The following NALF1 variants were observed in gnomAD, a reference collection of about 807,000 sequenced individuals.
The protein encoded by NALF1 is family with sequence similarity 155 member A.
A neutral mutation model predicts 48.4 loss-of-function variants in NALF1; 3 were observed. The ratio of observed to expected loss-of-function variants is 0.06; its 90% CI spans 0.03 to 0.16. The LOEUF is 0.16. NALF1 is among the 10% of genes least tolerant of loss of function. The probability of loss-of-function intolerance (pLI) is 1.00; values close to 1 mark genes in which losing one functional copy is unlikely to be tolerated. For missense variants in NALF1, 526 were observed against 571.5 expected (o/e 0.92, Z 0.81); for synonymous variants, 262 against 245.7 (o/e 1.07, Z -0.62).
chr13:107,630,799 AT>A (rs1445630649), intron 1 of NALF1, among the ~76,000 whole-genome samples: 1 of 152,080 alleles, frequency 6.6e-6, no homozygotes, highest in East Asian at 1.9e-4. Context: ...CATCTCTTAG[AT>A]GATTGAAGAT....
intron 1 of NALF1, among the ~76,000 whole-genome samples, chr13:107,231,279 A>G (rs143322829): frequency 2.0e-5 from 3 of 152,256 alleles, no homozygotes; most frequent in Admixed American, 6.5e-5. Flanking sequence ...TTTTAAATAA[A>G]AAACTTCGTA....
chr13:107,725,643 C>G (rs1876126838), intron 1 of NALF1, among the ~76,000 whole-genome samples: 1 of 151,406 alleles, frequency 6.6e-6, no homozygotes, highest in Non-Finnish European at 1.5e-5. Flanking sequence ...CAAGATCACG[C>G]CAGTGCACTC....
intron 1 of NALF1, among the ~76,000 whole-genome samples, chr13:107,478,360 A>C (rs1286111123): frequency 1.3e-5 from 2 of 152,204 alleles, no homozygotes; most frequent in Non-Finnish European, 2.9e-5. Context: ...AGAATTCAAC[A>C]AAATCTAATC....
chr13:107,681,680 G>A (rs1312230569), intron 1 of NALF1, among the ~76,000 whole-genome samples: 4 of 152,080 alleles, frequency 2.6e-5, no homozygotes, highest in African/African-American at 4.8e-5. Context: ...ACTTAACGCC[G>A]ACATCTGGAT....
chr13:107,418,257 T>C (rs940592606), intron 1 of NALF1, among the ~76,000 whole-genome samples: 2 of 152,032 alleles, frequency 1.3e-5, no homozygotes, highest in Non-Finnish European at 2.9e-5. Flanking sequence ...GCAATTCCTG[T>C]CTCCAGCATC....
chr13:107,487,799 G>T (rs1424467731), intron 1 of NALF1, among the ~76,000 whole-genome samples: 2 of 151,994 alleles, frequency 1.3e-5, no homozygotes, highest in East Asian at 3.9e-4. Flanking sequence ...CTTATAGAAT[G>T]GGTTAGGGCG....
chr13:107,486,200 G>A (rs1488405333), intron 1 of NALF1, among the ~76,000 whole-genome samples: 1 of 152,164 alleles, frequency 6.6e-6, no homozygotes, highest in African/African-American at 2.4e-5. Context: ...TCTTGGCCAA[G>A]ATTGCACACA....
intron 1 of NALF1, among the ~76,000 whole-genome samples, chr13:107,667,781 G>T (rs1880897102): frequency 6.6e-6 from 1 of 151,840 alleles, no homozygotes; most frequent in Admixed American, 6.6e-5. Context: ...AAAACATTTG[G>T]GCTGCTATAA....
Position 107,165,399 on chromosome 13 carries a change from G to A in NALF1, c.*5098C>T, listed in dbSNP as rs1594049933. ...GCCTCGGAGCCAGCTTGTGTAATTT[G>A]TAATCAGAAGATGCTTGAGTTCCAT... On this transcript the variant is annotated 3_prime_UTR_variant, in exon 3 of 3. Transcript: ENST00000375915. 1 of 152,146 alleles carries A rather than the reference G, an allele frequency of 6.6e-6. No individual in the cohort carries two copies. Among genetic ancestry groups the A allele is most frequent in the East Asian group, 1.9e-4 (1 of 5,182 alleles). 9.4% of individuals were successfully genotyped at this position (152,146 alleles called of 1,614,324 possible). A position where few individuals can be genotyped will look rare whatever the true frequency, so the allele number is the denominator to read the frequency against.
intron 1 of NALF1, among the ~76,000 whole-genome samples, chr13:107,581,403 T>C (rs1419438131): frequency 1.3e-5 from 2 of 152,196 alleles, no homozygotes; most frequent in Admixed American, 6.5e-5. Context: ...GCATTTGTCT[T>C]AATTATTATA....
chr13:107,705,553 T>C (rs1881929071), intron 1 of NALF1, among the ~76,000 whole-genome samples: 1 of 152,038 alleles, frequency 6.6e-6, no homozygotes. Context: ...AGTTTTACCA[T>C]GCTTACACAG....
At chr13:107,677,214 G>C (rs943200550) in intron 1 of NALF1, among the ~76,000 whole-genome samples, 1 of 152,106 alleles carries the variant, frequency 6.6e-6, no homozygotes, top group Non-Finnish European at 1.5e-5. Flanking sequence ...ACTCAGCTAA[G>C]TTGTGTATTT....
chr13:107,444,434 T>A (rs903640094), intron 1 of NALF1, among the ~76,000 whole-genome samples: 3 of 152,178 alleles, frequency 2.0e-5, no homozygotes, highest in African/African-American at 7.2e-5. Flanking sequence ...GAGTGGCAAC[T>A]ATGAACTCAG....
At position 107,163,881 on chromosome 13, in the gene NALF1, G is replaced by T. The variant is rs766770218; in HGVS notation, c.*6616C>A. 4 of 152,118 alleles carry T rather than the reference G, an allele frequency of 2.6e-5. No homozygotes were observed. The highest frequency in any genetic ancestry group is 4.2e-4 in the South Asian group (2 of 4,814). 9.4% of individuals were successfully genotyped at this position (152,118 alleles called of 1,614,324 possible). On this transcript the variant is annotated 3_prime_UTR_variant, in exon 3 of 3. Coordinates refer to ENST00000375915, the MANE Select transcript of NALF1 (RefSeq NM_001080396.3). ...CCATATGCAGAAAAAGGTAGAAAAA[G>T]AAAACAAGAGAAAAAGGAAGAAAAA... is the stretch of plus-strand genomic sequence containing the variant.
At chr13:107,671,479 A>G (rs1165131413) in intron 1 of NALF1, among the ~76,000 whole-genome samples, 1 of 152,130 alleles carries the variant, frequency 6.6e-6, no homozygotes. Context: ...TTAGTAATGT[A>G]AAAATGATTG....
At chr13:107,657,241 T>C (rs534730671) in intron 1 of NALF1, among the ~76,000 whole-genome samples, 5 of 152,286 alleles carry the variant, frequency 3.3e-5, no homozygotes, top group African/African-American at 9.6e-5. Flanking sequence ...CCCAGACCCA[T>C]GTATCCAGTT....
chr13:107,267,281 C>T (rs1043960288), intron 1 of NALF1, among the ~76,000 whole-genome samples: 15 of 151,962 alleles, frequency 9.9e-5, no homozygotes, highest in Admixed American at 3.9e-4. Context: ...AATGTAGATA[C>T]CACATAAAAT....
chr13:107,827,986 A>G (rs1451656872), intron 1 of NALF1, among the ~76,000 whole-genome samples: 5 of 152,180 alleles, frequency 3.3e-5, no homozygotes, highest in African/African-American at 1.2e-4. Context: ...CAGCGGTAGG[A>G]AGCGTTTTGT....
chr13:107,449,572 A>C (rs1264854538), intron 1 of NALF1, among the ~76,000 whole-genome samples: 3 of 152,226 alleles, frequency 2.0e-5, no homozygotes, highest in African/African-American at 4.8e-5. Flanking sequence ...GCACAAGCGG[A>C]TATGTAGAAG....
Sources: allele counts gnomAD v4.1 joint callset (sites outside exome capture counted in the v4.1 genomes callset), GRCh38; gene constraint gnomAD v4.1.1; transcripts MANE v1.5; gene names NCBI Gene and HGNC (gene_info 2026-07-23, HGNC 2026-07-21).